The following SFXN1 variants were observed in gnomAD, a reference collection of about 807,000 sequenced individuals.
SFXN1 encodes the protein sideroflexin 1, also known as sideroflexin-1.
A neutral mutation model predicts 39.5 loss-of-function variants in SFXN1; 32 were observed. The observed-to-expected ratio is 0.81, with a 90% CI of 0.61 to 1.09. The LOEUF (loss-of-function observed/expected upper bound fraction) is 1.09, where lower values mean the gene tolerates loss of function less well. Ranked by LOEUF, SFXN1 falls within the 50% of genes least tolerant of loss-of-function variation. The pLI, the probability that SFXN1 is intolerant of heterozygous loss-of-function variation, is 0.00. For missense variants in SFXN1, 402 were observed against 407.1 expected (o/e 0.99, Z 0.11); for synonymous variants, 136 against 146.5 (o/e 0.93, Z 0.52).
At chr5:175,486,899 T>C (rs1409058004) in intron 1 of SFXN1, among the ~76,000 whole-genome samples, 1 of 152,242 alleles carries the variant, frequency 6.6e-6, no homozygotes, top group Non-Finnish European at 1.5e-5. Flanking sequence ...GGAACTAGAA[T>C]TCTATAAAAG....
chr5:175,502,956 CAA>C (rs1358970074), intron 2 of SFXN1, among the ~76,000 whole-genome samples: 3 of 152,162 alleles, frequency 2.0e-5, no homozygotes, highest in African/African-American at 7.2e-5. Context: ...TATGCAAAGT[CAA>C]AGAGGTCAGA....
At chr5:175,500,384 T>C (rs1049438659) in intron 2 of SFXN1, among the ~76,000 whole-genome samples, 1 of 147,544 alleles carries the variant, frequency 6.8e-6, no homozygotes, top group Non-Finnish European at 1.5e-5. Flanking sequence ...TAACAAAATA[T>C]ATAAAATGCC....
chr5:175,486,793 A>G (rs1174063541), intron 1 of SFXN1, among the ~76,000 whole-genome samples: 2 of 152,156 alleles, frequency 1.3e-5, no homozygotes, highest in Admixed American at 1.3e-4. Context: ...AAATAAATAA[A>G]TAATAAAGTA....
chr5:175,516,510 A>G, intron 7 of SFXN1, 104 bp from the exon 8 acceptor site: 1 of 960,544 alleles, frequency 1.0e-6, no homozygotes, highest in South Asian at 1.6e-5. Flanking sequence ...GACAGTGGAA[A>G]TAGCCTAAAA....
Position 175,510,134 on chromosome 5 carries a change from C to T in SFXN1, c.361C>T (p.Gln121Ter). ...YRTTPAVLFW[Q>*]WINQSFNAVV... Reference sequence around the variant, plus strand: ...GACTACGCCGGCTGTGCTGTTCTGGCAGTGGATTAACCAGTCCTTCAATGC... The same window carrying T: ...GACTACGCCGGCTGTGCTGTTCTGGTAGTGGATTAACCAGTCCTTCAATGC... The change falls in exon 4 of 11, where the codon CAG becomes TAG. Residue 121 changes from glutamine to a stop codon, truncating the protein, a stop_gained. Transcript: ENST00000321442. LOFTEE classifies it high-confidence loss of function. 12 of 1,613,112 alleles carry T rather than the reference C, an allele frequency of 7.4e-6. No homozygotes were observed. The highest frequency in any genetic ancestry group is 1.0e-5 in the Non-Finnish European group (12 of 1,179,646).
intron 2 of SFXN1, among the ~76,000 whole-genome samples, chr5:175,508,092 A>G (rs758181356): frequency 1.3e-5 from 2 of 152,112 alleles, no homozygotes; most frequent in Non-Finnish European, 2.9e-5. Flanking sequence ...TTTAGAGTTT[A>G]CAAATTCAAA....
intron 10 of SFXN1, 102 bp from the exon 11 acceptor site, chr5:175,526,536 C>A: frequency 1.2e-6 from 1 of 827,974 alleles, no homozygotes; most frequent in Non-Finnish European, 2.0e-6. Flanking sequence ...CCCACTGTAC[C>A]AGTCCTGGGA....
At chr5:175,487,937 T>TA (rs934343975) in intron 1 of SFXN1, among the ~76,000 whole-genome samples, 2 of 152,122 alleles carry the variant, frequency 1.3e-5, no homozygotes, top group Non-Finnish European at 2.9e-5. Context: ...ATTGAAGAAA[T>TA]ACCCAGAATT....
At chr5:175,482,268 G>A (rs373436713) in intron 1 of SFXN1, among the ~76,000 whole-genome samples, 37 of 152,104 alleles carry the variant, frequency 2.4e-4, no homozygotes, top group African/African-American at 4.8e-4. Context: ...TTCAAAATAC[G>A]GTAGTTTTGA....
chr5:175,487,068 G>A (rs1759475801), intron 1 of SFXN1, among the ~76,000 whole-genome samples: 1 of 152,088 alleles, frequency 6.6e-6, no homozygotes, highest in Admixed American at 6.5e-5. Flanking sequence ...AGATCACCTA[G>A]GCCCGAGGGC....
At chr5:175,486,188 G>C (rs1048338975) in intron 1 of SFXN1, among the ~76,000 whole-genome samples, 2 of 146,818 alleles carry the variant, frequency 1.4e-5, no homozygotes, top group African/African-American at 2.7e-5. Flanking sequence ...GGAAAAAAGT[G>C]GGGGGGCCTC....
chr5:175,513,750 G>A (rs1760618531), intron 7 of SFXN1, 160 bp downstream of exon 7: 2 of 746,926 alleles, frequency 2.7e-6, no homozygotes, highest in East Asian at 3.1e-5. Flanking sequence ...TGTAGTATGT[G>A]CAGTGGTGAT....
At chr5:175,496,898 C>CTT (rs199938560) in intron 2 of SFXN1, among the ~76,000 whole-genome samples, 16 of 147,338 alleles carry the variant, frequency 1.1e-4, no homozygotes, top group East Asian at 2.0e-4. Flanking sequence ...GATACTCTTT[C>CTT]TTTTTTTTTT....
At chr5:175,520,467 A>G (rs1760846988) in intron 8 of SFXN1, among the ~76,000 whole-genome samples, 1 of 152,124 alleles carries the variant, frequency 6.6e-6, no homozygotes, top group Admixed American at 6.6e-5. Context: ...TGGTGCTGGA[A>G]GAAGACATGG....
intron 7 of SFXN1, 27 bp downstream of exon 7, chr5:175,513,617 A>G (rs1321227297): frequency 4.3e-6 from 7 of 1,612,188 alleles, no homozygotes; most frequent in South Asian, 1.1e-5. Flanking sequence ...CATTTATTCC[A>G]TAAATACAGG....
At chr5:175,526,609 A>G (rs760007580) in intron 10 of SFXN1, 29 bp from the exon 11 acceptor site, 1 of 1,590,972 alleles carries the variant, frequency 6.3e-7, no homozygotes, top group Admixed American at 1.7e-5. Flanking sequence ...TGCCTGTGTA[A>G]TAACCCTGTC....
At chr5:175,522,501 A>C in intron 10 of SFXN1, 79 bp downstream of exon 10, 1 of 1,397,448 alleles carries the variant, frequency 7.2e-7, no homozygotes. Flanking sequence ...CCATTATTCC[A>C]TTTCATTGGC....
At chr5:175,497,727 G>A (rs995462278) in intron 2 of SFXN1, among the ~76,000 whole-genome samples, 6 of 151,958 alleles carry the variant, frequency 3.9e-5, no homozygotes, top group Non-Finnish European at 5.9e-5. Flanking sequence ...TTAGGAGTTC[G>A]AGAGCAGCCT....
intron 8 of SFXN1, among the ~76,000 whole-genome samples, chr5:175,518,713 G>C (rs1760790348): frequency 6.6e-6 from 1 of 152,160 alleles, no homozygotes; most frequent in South Asian, 2.1e-4. Flanking sequence ...TGGGATGTAG[G>C]CAATGTGTAA....
Sources: allele counts gnomAD v4.1 joint callset (sites outside exome capture counted in the v4.1 genomes callset), GRCh38; gene constraint gnomAD v4.1.1; transcripts MANE v1.5; gene names NCBI Gene and HGNC (gene_info 2026-07-23, HGNC 2026-07-21).